The following HSD17B12 variants were observed in gnomAD, a reference collection of about 807,000 sequenced individuals.
HSD17B12 encodes hydroxysteroid 17-beta dehydrogenase 12.
A neutral mutation model predicts 39.3 loss-of-function variants in HSD17B12; 32 were observed. That is an observed-to-expected ratio of 0.81 (90% CI 0.61 to 1.09). The LOEUF is 1.09. Ranked by LOEUF, HSD17B12 falls within the 50% of genes least tolerant of loss-of-function variation. HSD17B12 has a pLI of 0.00. For missense variants in HSD17B12, 342 were observed against 382.9 expected (o/e 0.89, Z 0.89); for synonymous variants, 150 against 146.7 (o/e 1.02, Z -0.16).
At chr11:43,604,533 C>T in the HSD17B12 span, among the ~76,000 whole-genome samples, 1 of 152,096 alleles carries the variant, frequency 6.6e-6, no homozygotes, top group Non-Finnish European at 1.5e-5. Context: ...TTGAAGGCAG[C>T]TACTGTTGTT....
At chr11:43,616,764 A>G in the HSD17B12 span, among the ~76,000 whole-genome samples, 3 of 125,412 alleles carry the variant, frequency 2.4e-5, no homozygotes, top group East Asian at 8.2e-4. Context: ...CCATCTTCTT[A>G]TTGTCTCCCA....
At chr11:43,718,733 A>T (rs1950148883) in intron 1 of HSD17B12, 1 of 1,264,248 alleles carries the variant, frequency 7.9e-7, no homozygotes, top group Admixed American at 1.9e-5. Context: ...AGCCAAAGCA[A>T]AGGCTTTAAA....
At chr11:43,586,880 G>T in the HSD17B12 span, among the ~76,000 whole-genome samples, 2 of 152,052 alleles carry the variant, frequency 1.3e-5, no homozygotes, top group Non-Finnish European at 2.9e-5. Flanking sequence ...CCTGCTCTTT[G>T]CTCCCCCCAC....
intron 3 of HSD17B12, among the ~76,000 whole-genome samples, chr11:43,776,930 A>G (rs1408873532): frequency 5.3e-5 from 8 of 152,048 alleles, no homozygotes; most frequent in African/African-American, 1.9e-4. Context: ...ATGCGGCGTT[A>G]TTTCTGAGGG....
intron 1 of HSD17B12, among the ~76,000 whole-genome samples, chr11:43,701,334 G>A (rs772890739): frequency 2.6e-5 from 4 of 152,064 alleles, no homozygotes; most frequent in Non-Finnish European, 5.9e-5. Flanking sequence ...AGCTTTTTAA[G>A]TTGATGTGAT....
chr11:43,814,532 T>C (rs1189176003), intron 4 of HSD17B12, among the ~76,000 whole-genome samples: 2 of 152,170 alleles, frequency 1.3e-5, no homozygotes, highest in African/African-American at 4.8e-5. Flanking sequence ...GGGAAAACCA[T>C]AGGATATTTG....
At chr11:43,743,628 C>T (rs1300867976) in intron 1 of HSD17B12, among the ~76,000 whole-genome samples, 1 of 152,122 alleles carries the variant, frequency 6.6e-6, no homozygotes, top group African/African-American at 2.4e-5. Context: ...CTAATAACTG[C>T]CCAGCAGCCA....
intron 8 of HSD17B12, among the ~76,000 whole-genome samples, chr11:43,839,452 A>G (rs1951403869): frequency 6.6e-6 from 1 of 152,162 alleles, no homozygotes; most frequent in African/African-American, 2.4e-5. Context: ...TTGCGTCCAC[A>G]TTTGAAAAAT....
At chr11:43,635,396 G>A in the HSD17B12 span, among the ~76,000 whole-genome samples, 7 of 152,270 alleles carry the variant, frequency 4.6e-5, no homozygotes, top group East Asian at 1.2e-3. Context: ...TGAAAATCCC[G>A]TGCAATAATA....
the HSD17B12 span, among the ~76,000 whole-genome samples, chr11:43,561,021 G>A: frequency 2.0e-5 from 3 of 152,116 alleles, no homozygotes; most frequent in Non-Finnish European, 4.4e-5. Context: ...TCCTGGTGAC[G>A]CTATCACAGC....
intron 1 of HSD17B12, among the ~76,000 whole-genome samples, chr11:43,695,175 G>A (rs1475262047): frequency 6.6e-6 from 1 of 152,030 alleles, no homozygotes; most frequent in Non-Finnish European, 1.5e-5. Context: ...ACTAGCCCTA[G>A]AAAAAACAGT....
intron 1 of HSD17B12, among the ~76,000 whole-genome samples, chr11:43,709,980 A>G (rs1950050030): frequency 6.6e-6 from 1 of 152,142 alleles, no homozygotes; most frequent in Admixed American, 6.5e-5. Flanking sequence ...GGTTTAGGGG[A>G]TGCTAGACTG....
chr11:43,792,635 G>A (rs1183350450), intron 3 of HSD17B12, among the ~76,000 whole-genome samples: 1 of 149,480 alleles, frequency 6.7e-6, no homozygotes, highest in Admixed American at 6.7e-5. Flanking sequence ...TGATAGTCCA[G>A]ACCCGTGTAT....
chr11:43,702,140 A>G lies in HSD17B12; in HGVS notation c.160+21153A>G, dbSNP rs375497628. Among the ~76,000 whole-genome samples the G allele has an allele frequency of 1.3e-3, 193 of 152,342 alleles. 1 individual carries two copies. Among genetic ancestry groups the G allele is most frequent in the African/African-American group, 4.5e-3 (188 of 41,584 alleles). On this transcript the variant is annotated intron_variant, in intron 1 of 10. Coordinates refer to ENST00000278353, the MANE Select transcript of HSD17B12 (RefSeq NM_016142.3). Reference sequence around the variant, plus strand: ...TTTTCACATTGTTCACTGTTGGCATATAGAAATGCTACTTATTTTCGTATT... The same window carrying G: ...TTTTCACATTGTTCACTGTTGGCATGTAGAAATGCTACTTATTTTCGTATT...
chr11:43,659,632 A>C, the HSD17B12 span, among the ~76,000 whole-genome samples: 1 of 151,904 alleles, frequency 6.6e-6, no homozygotes, highest in Non-Finnish European at 1.5e-5. Flanking sequence ...AAAATTAAAA[A>C]CTTTTCCTTA....
intron 6 of HSD17B12, among the ~76,000 whole-genome samples, chr11:43,826,315 C>G (rs1044231229): frequency 5.9e-5 from 9 of 151,980 alleles, no homozygotes; most frequent in African/African-American, 1.9e-4. Flanking sequence ...GATCTCCTGA[C>G]CTCGTGATCT....
chr11:43,824,043 A>C (rs1951208479), intron 6 of HSD17B12, among the ~76,000 whole-genome samples: 1 of 142,828 alleles, frequency 7.0e-6, no homozygotes, highest in African/African-American at 2.6e-5. Flanking sequence ...GAAATTTTAC[A>C]CCGAGATTTC....
At chr11:43,609,305 G>A in the HSD17B12 span, among the ~76,000 whole-genome samples, 2 of 147,604 alleles carry the variant, frequency 1.4e-5, no homozygotes, top group East Asian at 3.9e-4. Flanking sequence ...ATATAATTTA[G>A]TACATATATT....
chr11:43,561,473 C>T, the HSD17B12 span, among the ~76,000 whole-genome samples: 1 of 152,182 alleles, frequency 6.6e-6, no homozygotes, highest in Non-Finnish European at 1.5e-5. Flanking sequence ...TTGCTCCTCA[C>T]CTACTAGGGA....
Sources: gnomAD v4.1 joint callset for allele counts (sites outside exome capture counted in the v4.1 genomes callset) on GRCh38, gnomAD v4.1.1 for gene constraint, MANE v1.5 for transcripts, NCBI Gene and HGNC (gene_info 2026-07-23, HGNC 2026-07-21) for gene names.